DNAJA3: variants seen among roughly 807,000 people sequenced by gnomAD.
The protein encoded by DNAJA3 is DnaJ heat shock protein family (Hsp40) member A3, also known as dnaJ homolog subfamily A member 3, mitochondrial.
DNAJA3 carries 29 observed loss-of-function variants against 54.9 expected under a neutral mutation model. That is an observed-to-expected ratio of 0.53 (90% CI 0.39 to 0.72). The LOEUF (loss-of-function observed/expected upper bound fraction) is 0.72, where lower values mean the gene tolerates loss of function less well. DNAJA3 is among the 30% of genes least tolerant of loss of function. The pLI is 0.00. For missense variants in DNAJA3, 708 were observed against 639.4 expected, an observed-to-expected ratio of 1.11 and a Z score of -1.16; for synonymous variants, 302 against 251.4, an observed-to-expected ratio of 1.20 and a Z score of -1.90.
At chr16:4,452,563 C>A (rs1485788323) in intron 10 of DNAJA3, among the ~76,000 whole-genome samples, 2 of 152,192 alleles carry the variant, frequency 1.3e-5, no homozygotes, top group Non-Finnish European at 2.9e-5. Flanking sequence ...TTCCCTCACT[C>A]AGCCAGGATG....
At position 4,448,719 on chromosome 16, in the gene DNAJA3, TTC is replaced by T; in HGVS notation, c.1126-12_1126-11del. 1 of 1,601,954 alleles carries T rather than the reference TTC, an allele frequency of 6.2e-7. No homozygotes were observed. Among genetic ancestry groups the T allele is most frequent in the Non-Finnish European group, 8.5e-7 (1 of 1,169,764 alleles). ...TGGGGACCAGGGGAAACCACAGATT[TTC>T]TTTCTTTATAGATCCCCCCTGGGAC... On this transcript the variant is annotated splice_polypyrimidine_tract_variant and intron_variant, in intron 8 of 11. Coordinates refer to ENST00000262375, the MANE Select transcript of DNAJA3 (RefSeq NM_005147.6).
chr16:4,444,745 G>T lies in DNAJA3; in HGVS notation c.996+17G>T, dbSNP rs893714889. The T allele has an allele frequency of 1.2e-6, 2 of 1,610,694 alleles. No individual in the cohort carries two copies. The highest frequency in any genetic ancestry group is 2.2e-5 in the South Asian group (2 of 90,754). ...ACGTTCAGGGTAGGTGCCCTGCCCCGCACAGCTTCTGTTGGGCCTTTCCTC... is the reference window on the plus strand; with the variant it reads ...ACGTTCAGGGTAGGTGCCCTGCCCCTCACAGCTTCTGTTGGGCCTTTCCTC... On this transcript the variant is annotated intron_variant, in intron 7 of 11. Transcript: ENST00000262375.
Position 4,455,588 on chromosome 16 carries a change from T to TC in DNAJA3, c.*58dup, listed in dbSNP as rs1328675950. The TC allele has an allele frequency of 6.4e-7, 1 of 1,551,690 alleles. No homozygotes were observed. The highest frequency in any genetic ancestry group is 8.7e-7 in the Non-Finnish European group (1 of 1,146,956). Reference sequence around the variant, plus strand: ...AACTAGGCCGGGAAGCAGCAGCCCCTCCAAGGGCCAGGGCACCTGGGAGAC... The same window carrying TC: ...AACTAGGCCGGGAAGCAGCAGCCCCTCCCAAGGGCCAGGGCACCTGGGAGAC... On this transcript the variant is annotated 3_prime_UTR_variant, in exon 12 of 12. Transcript: ENST00000262375.
intron 9 of DNAJA3, 127 bp from the exon 10 acceptor site, chr16:4,450,273 A>G: frequency 3.0e-6 from 2 of 673,088 alleles, no homozygotes; most frequent in Non-Finnish European, 5.1e-6. Flanking sequence ...GCACTGGCTC[A>G]GGGTGTCCGC....
intron 1 of DNAJA3, chr16:4,433,442 G>A (rs1269464734): frequency 6.6e-6 from 1 of 152,176 alleles, no homozygotes. Flanking sequence ...GGGACATTTG[G>A]CAATGCCTGG....
rs370822550 is a variant in DNAJA3 at position 4,426,128 on chromosome 16, A to G, written c.211+36A>G. 5.3e-6 allele frequency: 8 copies of G among 1,515,700 alleles called. No individual in the cohort carries two copies. In the African/African-American group the frequency reaches 1.1e-4, roughly 22 times the overall value. The allele number at this position is 1,515,700 out of a possible 1,614,324, so 93.9% of individuals were successfully genotyped here. A position where few individuals can be genotyped will look rare whatever the true frequency, so the allele number is the denominator to read the frequency against. On this transcript the variant is annotated intron_variant, in intron 1 of 11. Transcript: ENST00000262375. ...GTTCCAACTTCCGAGTGGCGGTTTC[A>G]GGGCCTAGAAAAGAGTGAGTCTCCT... is the stretch of plus-strand genomic sequence containing the variant.
chr16:4,440,894 C>T (rs2056829453), intron 3 of DNAJA3: 1 of 161,380 alleles, frequency 6.2e-6, no homozygotes, highest in African/African-American at 2.4e-5. Flanking sequence ...ATTGCTTCAA[C>T]CTGGGAGGTT....
rs941535247 is a variant in DNAJA3 at position 4,432,588 on chromosome 16, C to T, written c.212-1796C>T. ...AACTCCTGACCTCAGGTGATCCGCC[C>T]GCCTTGGCCTCCCAAAGTGCTGGGA... On this transcript the variant is annotated intron_variant, in intron 1 of 11. Coordinates refer to ENST00000262375, the MANE Select transcript of DNAJA3 (RefSeq NM_005147.6). Among the ~76,000 whole-genome samples, 21 of 151,978 alleles carry T rather than the reference C, an allele frequency of 1.4e-4. No individual in the cohort carries two copies. The East Asian group carries it at 3.2e-3, about 23-fold the overall frequency.
chr16:4,446,703 C>G (rs979762883), intron 7 of DNAJA3, among the ~76,000 whole-genome samples, 183 bp from the exon 8 acceptor site: 2 of 152,170 alleles, frequency 1.3e-5, no homozygotes, highest in Non-Finnish European at 2.9e-5. Context: ...TAGAACATGT[C>G]ATTCCTGGGC....
At chr16:4,452,062 T>C (rs1336425936) in intron 10 of DNAJA3, among the ~76,000 whole-genome samples, 1 of 152,036 alleles carries the variant, frequency 6.6e-6, no homozygotes, top group Admixed American at 6.6e-5. Context: ...ATAGCGAGAC[T>C]CTGTCTCAAA....
Position 4,443,018 on chromosome 16 carries a change from A to T in DNAJA3, c.785A>T (p.Glu262Val). 1 of 1,612,710 alleles carries T rather than the reference A, an allele frequency of 6.2e-7. No homozygotes were observed. The highest frequency in any genetic ancestry group is 8.5e-7 in the Non-Finnish European group (1 of 1,179,298). Residue 262 changes from glutamate (E) to valine (V), a missense_variant and splice_region_variant, in exon 6 of 12, where the codon GAA becomes GTA. Transcript: ENST00000262375. Reference sequence around the variant, plus strand: ...TACCATTTTTCTTGTTTTTATCAGGAAACCATCAACACAGGCCCTTTTGTG... The same window carrying T: ...TACCATTTTTCTTGTTTTTATCAGGTAACCATCAACACAGGCCCTTTTGTG... ...HCHYCGGSGM[E>V]TINTGPFVMR...
At chr16:4,438,739 A>G (rs545222976) in intron 3 of DNAJA3, among the ~76,000 whole-genome samples, 2 of 151,024 alleles carry the variant, frequency 1.3e-5, no homozygotes, top group African/African-American at 4.9e-5. Context: ...AGCCTCTCAA[A>G]TTGCTAGGAT....
At chr16:4,439,038 T>C (rs1218121920) in intron 3 of DNAJA3, among the ~76,000 whole-genome samples, 1 of 151,984 alleles carries the variant, frequency 6.6e-6, no homozygotes, top group African/African-American at 2.4e-5. Context: ...TTTTTTTTTT[T>C]CAAGAGTTGA....
intron 2 of DNAJA3, among the ~76,000 whole-genome samples, chr16:4,434,901 T>C (rs1197291256): frequency 2.9e-5 from 4 of 139,208 alleles, no homozygotes; most frequent in African/African-American, 8.4e-5. Context: ...TTTTTTTTTT[T>C]TTTTTTTTTT....
At chr16:4,439,185 A>G (rs1231361595) in intron 3 of DNAJA3, among the ~76,000 whole-genome samples, 2 of 151,804 alleles carry the variant, frequency 1.3e-5, no homozygotes, top group African/African-American at 4.8e-5. Context: ...ATATGGTGAA[A>G]CCCCATCTCT....
At position 4,444,866 on chromosome 16, in the gene DNAJA3, C is replaced by G. The variant is rs543032557; in HGVS notation, c.996+138C>G. 4.1e-6 allele frequency: 3 copies of G among 725,082 alleles called. No homozygotes were observed. The African/African-American group carries it at 5.4e-5, about 13-fold the overall frequency. 44.9% of individuals were successfully genotyped at this position (725,082 alleles called of 1,614,324 possible). A position where few individuals can be genotyped will look rare whatever the true frequency, so the allele number is the denominator to read the frequency against. On this transcript the variant is annotated intron_variant, in intron 7 of 11. Coordinates refer to ENST00000262375, the MANE Select transcript of DNAJA3 (RefSeq NM_005147.6). ...TGTTTCTGAGGGGCACAGTGGCCAC[C>G]TAGATGTGGTTTTTAGCTGTTTGTT... is the stretch of plus-strand genomic sequence containing the variant.
chr16:4,427,610 C>A (rs1196337049), intron 1 of DNAJA3, among the ~76,000 whole-genome samples: 2 of 152,174 alleles, frequency 1.3e-5, no homozygotes, highest in African/African-American at 4.8e-5. Context: ...CTGTTCTGGG[C>A]ACTGAGGAGA....
chr16:4,444,092 C>A (rs977824830), intron 6 of DNAJA3, among the ~76,000 whole-genome samples: 1 of 152,184 alleles, frequency 6.6e-6, no homozygotes, highest in African/African-American at 2.4e-5. Flanking sequence ...TTGGTTAACA[C>A]CCATCACCCC....
intron 7 of DNAJA3, among the ~76,000 whole-genome samples, chr16:4,445,740 T>C (rs2056894708): frequency 6.6e-6 from 1 of 151,622 alleles, no homozygotes; most frequent in African/African-American, 2.4e-5. Flanking sequence ...TTAGTAAAGA[T>C]GAGGTTTCAC....
Sources: allele counts gnomAD v4.1 joint callset (sites outside exome capture counted in the v4.1 genomes callset), GRCh38; gene constraint gnomAD v4.1.1; transcripts MANE v1.5; gene names NCBI Gene and HGNC (gene_info 2026-07-23, HGNC 2026-07-21).